Variants in ASIC2 observed in about 807,000 individuals in gnomAD.
The protein encoded by ASIC2 is acid-sensing ion channel 2.
A neutral mutation model predicts 57.3 loss-of-function variants in ASIC2; 25 were observed. The observed-to-expected ratio is 0.44, with a 90% CI of 0.32 to 0.61. The LOEUF (loss-of-function observed/expected upper bound fraction) is 0.61. ASIC2 is among the 20% of genes least tolerant of loss of function. The probability of loss-of-function intolerance (pLI) is 0.06; values close to 1 mark genes in which losing one functional copy is unlikely to be tolerated. For synonymous variants in ASIC2, 319 were observed against 307.5 expected (o/e 1.04, Z -0.39); for missense variants, 641 against 738.1 (o/e 0.87, Z 1.52).
intron 1 of ASIC2, among the ~76,000 whole-genome samples, chr17:33,567,090 C>T (rs1356442605): frequency 6.6e-6 from 1 of 152,108 alleles, no homozygotes; most frequent in Non-Finnish European, 1.5e-5. Flanking sequence ...TTAGTGCCTA[C>T]CATATGTGCT....
At chr17:34,025,635 T>A (rs1439099608) in intron 1 of ASIC2, among the ~76,000 whole-genome samples, 1 of 152,206 alleles carries the variant, frequency 6.6e-6, no homozygotes, top group African/African-American at 2.4e-5. Context: ...CACTGTTAAT[T>A]GTAAATAAGA....
At chr17:34,099,782 G>C (rs542840783) in intron 1 of ASIC2, among the ~76,000 whole-genome samples, 2 of 48,276 alleles carry the variant, frequency 4.1e-5, no homozygotes, top group South Asian at 9.8e-4. Context: ...AAGAAAGAAA[G>C]AAAGAAAGAA....
At chr17:33,300,741 T>C (rs553274338) in intron 1 of ASIC2, among the ~76,000 whole-genome samples, 36 of 152,338 alleles carry the variant, frequency 2.4e-4, no homozygotes, top group African/African-American at 8.2e-4. Flanking sequence ...AGTTTAGGAT[T>C]CAGAAGTTTC....
chr17:33,945,774 A>G (rs943943226), intron 1 of ASIC2, among the ~76,000 whole-genome samples: 7 of 152,150 alleles, frequency 4.6e-5, no homozygotes, highest in Admixed American at 3.9e-4. Context: ...ACATCAATCC[A>G]CTTTCCAACG....
intron 1 of ASIC2, among the ~76,000 whole-genome samples, chr17:33,461,275 T>A (rs1056701750): frequency 6.6e-6 from 1 of 152,248 alleles, no homozygotes; most frequent in Non-Finnish European, 1.5e-5. Context: ...TTATTCACCC[T>A]GTGACATACT....
chr17:33,856,783 A>C (rs528535174), intron 1 of ASIC2, among the ~76,000 whole-genome samples: 3 of 152,198 alleles, frequency 2.0e-5, no homozygotes, highest in African/African-American at 7.2e-5. Flanking sequence ...GGCCTGAGAG[A>C]CCGCGACAGG....
intron 1 of ASIC2, among the ~76,000 whole-genome samples, chr17:33,810,874 TAC>T (rs34187408): frequency 0.094 from 14,151 of 149,934 alleles, 766 homozygotes; most frequent in East Asian, 0.19. Context: ...CACACACACA[TAC>T]ACACACACAC....
At chr17:33,744,184 C>G (rs1910193283) in intron 1 of ASIC2, among the ~76,000 whole-genome samples, 1 of 152,174 alleles carries the variant, frequency 6.6e-6, no homozygotes, top group African/African-American at 2.4e-5. Context: ...CTAGAAAGAA[C>G]CAGAGAAACA....
At chr17:33,781,420 T>C (rs949132083) in intron 1 of ASIC2, among the ~76,000 whole-genome samples, 1 of 152,168 alleles carries the variant, frequency 6.6e-6, no homozygotes, top group Non-Finnish European at 1.5e-5. Context: ...TGAGAGATGC[T>C]GGGGACAGCG....
At chr17:33,918,449 A>G (rs1176768313) in intron 1 of ASIC2, among the ~76,000 whole-genome samples, 3 of 152,192 alleles carry the variant, frequency 2.0e-5, no homozygotes, top group Non-Finnish European at 4.4e-5. Flanking sequence ...GTATGAAGCA[A>G]TGCATCACTC....
intron 1 of ASIC2, among the ~76,000 whole-genome samples, chr17:33,961,915 A>G (rs1904935791): frequency 6.6e-6 from 1 of 152,166 alleles, no homozygotes; most frequent in South Asian, 2.1e-4. Context: ...GGAGAAGCCA[A>G]CTCAGGAAGC....
At chr17:34,155,819 G>A in intron 1 of ASIC2, 1 of 765,576 alleles carries the variant, frequency 1.3e-6, no homozygotes, top group Admixed American at 3.0e-5. Context: ...CCTGCAACCA[G>A]CTCGCACAAC....
intron 1 of ASIC2, among the ~76,000 whole-genome samples, chr17:33,865,113 A>C (rs1384692086): frequency 6.6e-6 from 1 of 152,186 alleles, no homozygotes; most frequent in Non-Finnish European, 1.5e-5. Context: ...CTAGCAACTG[A>C]AGAGATGAAC....
chr17:33,314,500 G>T (rs540294764), intron 1 of ASIC2, among the ~76,000 whole-genome samples: 40 of 152,316 alleles, frequency 2.6e-4, no homozygotes, highest in Admixed American at 2.4e-3. Context: ...TCACTGTGCA[G>T]AAGAATTCCT....
Position 33,292,618 on chromosome 17 carries a change from C to G in ASIC2, c.-503G>C. 1 of 985,648 alleles carries G rather than the reference C, an allele frequency of 1.0e-6. No homozygotes were observed. The highest frequency in any genetic ancestry group is 1.2e-6 in the Non-Finnish European group (1 of 830,088). 61.1% of individuals were successfully genotyped at this position (985,648 alleles called of 1,614,324 possible). ...GGACATCCCCAGGGACCCCACCAGC[C>G]CGGCCCGTAGCCCAGCGGTGCTGGG... On this transcript the variant is annotated 5_prime_UTR_variant, in exon 1 of 10. Coordinates refer to ENST00000225823, the MANE Select transcript of ASIC2 (RefSeq NM_183377.2).
At chr17:33,195,285 A>G (rs1245815790) in intron 1 of ASIC2, among the ~76,000 whole-genome samples, 1 of 152,162 alleles carries the variant, frequency 6.6e-6, no homozygotes, top group Non-Finnish European at 1.5e-5. Flanking sequence ...CATCCCACCT[A>G]TTTAGAATCA....
At chr17:33,170,793 CA>C (rs1905486100) in intron 1 of ASIC2, among the ~76,000 whole-genome samples, 1 of 152,238 alleles carries the variant, frequency 6.6e-6, no homozygotes, top group South Asian at 2.1e-4. Flanking sequence ...ATTTCTACAA[CA>C]TTCTACAATA....
At chr17:33,941,936 G>A (rs1277754123) in intron 1 of ASIC2, among the ~76,000 whole-genome samples, 2 of 152,202 alleles carry the variant, frequency 1.3e-5, no homozygotes, top group Non-Finnish European at 2.9e-5. Context: ...CTCAGGCTAG[G>A]AAGGCAGGTG....
At chr17:33,615,104 T>C (rs1270386154) in intron 1 of ASIC2, among the ~76,000 whole-genome samples, 1 of 152,230 alleles carries the variant, frequency 6.6e-6, no homozygotes, top group Non-Finnish European at 1.5e-5. Flanking sequence ...CTGTTGAACA[T>C]TTGATATTTT....
Sources: allele counts gnomAD v4.1 joint callset (sites outside exome capture counted in the v4.1 genomes callset), GRCh38; gene constraint gnomAD v4.1.1; transcripts MANE v1.5; gene names NCBI Gene and HGNC (gene_info 2026-07-23, HGNC 2026-07-21).